The following CDK14 variants were observed in gnomAD, a reference collection of about 807,000 sequenced individuals.
CDK14 encodes the protein cyclin-dependent kinase 14.
In CDK14, 34 loss-of-function variants were observed where a neutral mutation model predicts 60.7. That is an observed-to-expected ratio of 0.56 (90% CI 0.43 to 0.75). The LOEUF (loss-of-function observed/expected upper bound fraction) is 0.75, where lower values mean the gene tolerates loss of function less well. Ranked by LOEUF, CDK14 falls within the 30% of genes least tolerant of loss-of-function variation. The pLI, the probability that CDK14 is intolerant of heterozygous loss-of-function variation, is 0.00. For missense variants in CDK14, 482 were observed against 564.1 expected (o/e 0.85, Z 1.47); for synonymous variants, 197 against 203.7 (o/e 0.97, Z 0.28).
intron 9 of CDK14, among the ~76,000 whole-genome samples, chr7:90,978,132 C>T (rs986360722): frequency 2.0e-5 from 3 of 152,046 alleles, no homozygotes; most frequent in African/African-American, 4.8e-5. Context: ...AACAACAATC[C>T]GTGCAGAGAT....
rs140900392 is a variant in CDK14, at chr7:91,116,958, T to C, written c.1295-1107T>C. 7.3e-3 allele frequency among the ~76,000 whole-genome samples: 1,106 copies of C among 151,364 alleles called. 4 individuals are homozygous for C. Among genetic ancestry groups the C allele is most frequent in the Middle Eastern group, 0.048 (14 of 294 alleles). ...CATGGACTCCCTGGAGCCTAGATGA[T>C]CTCATCCCATCTCATGATTTAAATA... On this transcript the variant is annotated intron_variant, in intron 13 of 14. Coordinates refer to ENST00000380050, the MANE Select transcript of CDK14 (RefSeq NM_001287135.2).
At chr7:90,688,780 G>A (rs1801494348) in intron 2 of CDK14, among the ~76,000 whole-genome samples, 1 of 152,134 alleles carries the variant, frequency 6.6e-6, no homozygotes, top group African/African-American at 2.4e-5. Context: ...AGTCAGTGCT[G>A]ACTTCAGAGA....
intron 6 of CDK14, among the ~76,000 whole-genome samples, chr7:90,870,628 T>A (rs1326265102): frequency 6.6e-6 from 1 of 152,160 alleles, no homozygotes; most frequent in Non-Finnish European, 1.5e-5. Flanking sequence ...AAACGTCCAC[T>A]AGATTCATTA....
intron 14 of CDK14, among the ~76,000 whole-genome samples, chr7:91,202,009 A>C (rs925430540): frequency 6.6e-5 from 10 of 152,088 alleles, no homozygotes; most frequent in African/African-American, 2.4e-4. Flanking sequence ...GAGATGATCT[A>C]ATCAATTGGT....
At chr7:90,830,040 C>T (rs1313640470) in intron 5 of CDK14, among the ~76,000 whole-genome samples, 1 of 152,152 alleles carries the variant, frequency 6.6e-6, no homozygotes, top group Non-Finnish European at 1.5e-5. Context: ...GGTGGATCTA[C>T]CATTCTGGGG....
At chr7:91,154,965 C>T (rs1237584162) in intron 14 of CDK14, among the ~76,000 whole-genome samples, 1 of 152,146 alleles carries the variant, frequency 6.6e-6, no homozygotes, top group African/African-American at 2.4e-5. Flanking sequence ...AAAGTGGCCT[C>T]TGGCTTAGGG....
intron 8 of CDK14, among the ~76,000 whole-genome samples, chr7:90,955,424 G>A (rs1175747152): frequency 6.6e-6 from 1 of 152,098 alleles, no homozygotes; most frequent in Admixed American, 6.6e-5. Flanking sequence ...TGTTATGATA[G>A]TTTGTGAATT....
intron 3 of CDK14, among the ~76,000 whole-genome samples, chr7:90,746,438 G>T (rs1260554347): frequency 6.6e-6 from 1 of 152,104 alleles, no homozygotes; most frequent in Non-Finnish European, 1.5e-5. Context: ...AGCCCAACTT[G>T]AAGAATACAA....
chr7:91,055,814 A>G (rs943775412), intron 11 of CDK14, among the ~76,000 whole-genome samples: 5 of 152,202 alleles, frequency 3.3e-5, no homozygotes, highest in Admixed American at 1.3e-4. Flanking sequence ...GAAGACAGGG[A>G]CGATTTACTT....
At chr7:91,056,918 A>C (rs1347449072) in intron 11 of CDK14, among the ~76,000 whole-genome samples, 2 of 152,126 alleles carry the variant, frequency 1.3e-5, no homozygotes, top group African/African-American at 4.8e-5. Context: ...CTTTGGGTAT[A>C]TACCCAGTAA....
In CDK14 at chr7:90,955,867, TG is replaced by T. The variant is rs759069834; in HGVS notation, c.947+53del. 3.1e-6 allele frequency: 5 copies of T among 1,602,610 alleles called. No individual in the cohort carries two copies. The East Asian group carries it at 1.1e-4, about 36-fold the overall frequency. On this transcript the variant is annotated intron_variant, in intron 9 of 14. Coordinates refer to ENST00000380050, the MANE Select transcript of CDK14 (RefSeq NM_001287135.2). ...GCTAATCTATCTGTAGTGCTTGGTC[TG>T]GGTCAAGCCTAGACAAACATCCTAA...
At chr7:91,009,858 C>T (rs192459841) in intron 10 of CDK14, among the ~76,000 whole-genome samples, 2 of 152,188 alleles carry the variant, frequency 1.3e-5, no homozygotes, top group Admixed American at 6.5e-5. Context: ...TTGATCTACC[C>T]CATGGTCACA....
intron 5 of CDK14, among the ~76,000 whole-genome samples, chr7:90,810,574 C>T (rs1281794637): frequency 6.6e-6 from 1 of 152,138 alleles, no homozygotes; most frequent in Admixed American, 6.5e-5. Flanking sequence ...GACAGGGATG[C>T]CCTCTCTCAC....
At chr7:90,679,127 CTT>C (rs1412421493) in intron 2 of CDK14, among the ~76,000 whole-genome samples, 1 of 152,002 alleles carries the variant, frequency 6.6e-6, no homozygotes, top group Non-Finnish European at 1.5e-5. Context: ...TTTTTAAACA[CTT>C]TTTGTAGAGA....
chr7:90,927,933 A>C (rs1793469788), intron 8 of CDK14, among the ~76,000 whole-genome samples: 1 of 151,780 alleles, frequency 6.6e-6, no homozygotes, highest in Non-Finnish European at 1.5e-5. Flanking sequence ...TTTTTCTCTA[A>C]ACTTCTCTTC....
At chr7:90,610,488 A>G (rs1436012391) in intron 2 of CDK14, among the ~76,000 whole-genome samples, 2 of 152,142 alleles carry the variant, frequency 1.3e-5, no homozygotes, top group Admixed American at 6.5e-5. Flanking sequence ...TTTTAGTAGA[A>G]GGCTTTCTCT....
rs1377032673 is a variant in CDK14, at chr7:90,596,657, C to G, written c.30C>G (p.Ala10=). The G allele has an allele frequency of 1.9e-6, 3 of 1,612,138 alleles. No homozygotes were observed. Among genetic ancestry groups the G allele is most frequent in the Admixed American group, 1.7e-5 (1 of 59,986 alleles). The part of the protein sequence containing the change: MCDLIEPQP[A]EKIGKMKKLR... ...GTGACCTCATTGAGCCGCAGCCGGC[C>G]GAGAAGATCGGCAAGATGAAGAAGT... Residue 10 remains alanine (A), a synonymous_variant, in exon 1 of 15, where the codon GCC becomes GCG. Transcript: ENST00000380050.
chr7:90,906,175 AAAT>A (rs1244196333), intron 7 of CDK14, among the ~76,000 whole-genome samples: 1 of 152,156 alleles, frequency 6.6e-6, no homozygotes, highest in African/African-American at 2.4e-5. Flanking sequence ...AAGAACATAA[AAAT>A]AATATTTACT....
At chr7:90,861,737 A>T (rs1022589412) in intron 5 of CDK14, among the ~76,000 whole-genome samples, 1 of 152,192 alleles carries the variant, frequency 6.6e-6, no homozygotes, top group Non-Finnish European at 1.5e-5. Flanking sequence ...TCCCAGTGCC[A>T]GCTGTAAAAA....
Sources: allele counts gnomAD v4.1 joint callset (sites outside exome capture counted in the v4.1 genomes callset), GRCh38; gene constraint gnomAD v4.1.1; transcripts MANE v1.5; gene names NCBI Gene and HGNC (gene_info 2026-07-23, HGNC 2026-07-21).